METTL8: variants seen among roughly 807,000 people sequenced by gnomAD.
METTL8 encodes the protein methyltransferase 8, tRNA N3-cytidine.
A neutral mutation model predicts 48.7 loss-of-function variants in METTL8; 32 were observed. The ratio of observed to expected loss-of-function variants is 0.66; its 90% CI spans 0.50 to 0.88. The LOEUF is 0.88. Ranked by LOEUF, METTL8 falls within the 40% of genes least tolerant of loss-of-function variation. The pLI, the probability that METTL8 is intolerant of heterozygous loss-of-function variation, is 0.00. For missense variants in METTL8, 464 were observed against 474.4 expected (o/e 0.98, Z 0.20); for synonymous variants, 136 against 157.1 (o/e 0.87, Z 1.01).
chr2:171,415,349 CTTTTTTTTTT>C (rs762739077), intron 1 of METTL8, among the ~76,000 whole-genome samples: 2 of 112,394 alleles, frequency 1.8e-5, no homozygotes, highest in Admixed American at 9.3e-5. Context: ...ATCTCGAAAT[CTTTTTTTTTT>C]TTTTTTTTTT....
intron 3 of METTL8, among the ~76,000 whole-genome samples, chr2:171,353,839 G>T (rs1193592799): frequency 6.6e-6 from 1 of 151,090 alleles, no homozygotes; most frequent in African/African-American, 2.4e-5. Flanking sequence ...CCTTTATTTT[G>T]AGCCTATGTG....
At chr2:171,421,218 A>G (rs895550379) in intron 1 of METTL8, among the ~76,000 whole-genome samples, 1 of 152,232 alleles carries the variant, frequency 6.6e-6, no homozygotes, top group Non-Finnish European at 1.5e-5. Flanking sequence ...AAAGATCAAT[A>G]TACAAACAGA....
At chr2:171,384,025 G>T (rs1377781144) in intron 2 of METTL8, among the ~76,000 whole-genome samples, 1 of 152,104 alleles carries the variant, frequency 6.6e-6, no homozygotes, top group Non-Finnish European at 1.5e-5. Context: ...GCAAAACAGG[G>T]GAACAGCCCA....
intron 1 of METTL8, among the ~76,000 whole-genome samples, chr2:171,431,298 A>G (rs1031837027): frequency 1.3e-5 from 2 of 152,204 alleles, no homozygotes; most frequent in Non-Finnish European, 2.9e-5. Context: ...AGGGCCCACG[A>G]GCACACTGGA....
intron 2 of METTL8, among the ~76,000 whole-genome samples, chr2:171,381,171 T>C (rs1334079750): frequency 2.6e-5 from 4 of 152,118 alleles, no homozygotes; most frequent in Non-Finnish European, 2.9e-5. Flanking sequence ...GGATTCCCTA[T>C]ATAAATGGTG....
At chr2:171,351,826 T>G (rs1683963387) in intron 3 of METTL8, among the ~76,000 whole-genome samples, 1 of 152,238 alleles carries the variant, frequency 6.6e-6, no homozygotes, top group South Asian at 2.1e-4. Context: ...ATCCTGAGAC[T>G]TTGCTGATGT....
Position 171,316,025 on chromosome 2 carries a change from A to C in METTL8, c.*8147T>G, listed in dbSNP as rs577334157. Among the ~76,000 whole-genome samples the C allele has an allele frequency of 2.6e-5, 4 of 152,376 alleles. No homozygotes were observed. The highest frequency in any genetic ancestry group is 4.1e-4 in the South Asian group (2 of 4,830). ...GTGTGTGACGTAGTAGGTGAAAAAC[A>C]GCAAAGAGGTAATTCTTTATTCTCG... is the stretch of plus-strand genomic sequence containing the variant. On this transcript the variant is annotated 3_prime_UTR_variant, in exon 10 of 10. Coordinates refer to ENST00000375258, the MANE Select transcript of METTL8 (RefSeq NM_001321154.2).
chr2:171,332,002 C>A, intron 5 of METTL8, 135 bp from the exon 6 acceptor site: 1 of 609,366 alleles, frequency 1.6e-6, no homozygotes, highest in South Asian at 1.9e-5. Flanking sequence ...CTTGCTTCCT[C>A]AGCCTTCTGA....
chr2:171,426,292 C>T (rs903485724), intron 1 of METTL8, among the ~76,000 whole-genome samples: 6 of 152,038 alleles, frequency 3.9e-5, no homozygotes, highest in East Asian at 1.9e-4. Flanking sequence ...ACAGGTATGT[C>T]GTAAAATGTA....
chr2:171,364,689 C>T (rs1685537897), intron 2 of METTL8, among the ~76,000 whole-genome samples: 1 of 152,148 alleles, frequency 6.6e-6, no homozygotes, highest in Non-Finnish European at 1.5e-5. Flanking sequence ...CACACACACA[C>T]ACACCCCAAT....
chr2:171,326,775 C>T (rs185010189), intron 7 of METTL8, among the ~76,000 whole-genome samples: 1 of 151,984 alleles, frequency 6.6e-6, no homozygotes, highest in East Asian at 1.9e-4. Context: ...CCCTTAGTAC[C>T]AACCCCTATC....
intron 8 of METTL8, 21 bp downstream of exon 8, chr2:171,326,021 T>C (rs1236381030): frequency 7.1e-7 from 1 of 1,410,892 alleles, no homozygotes; most frequent in Admixed American, 2.1e-5. Flanking sequence ...AAAAATAACC[T>C]CAAACTGAAT....
At chr2:171,416,809 C>A (rs970496586) in intron 1 of METTL8, among the ~76,000 whole-genome samples, 1 of 152,204 alleles carries the variant, frequency 6.6e-6, no homozygotes, top group Admixed American at 6.5e-5. Flanking sequence ...AGCCCACTCT[C>A]CAAGCAGGCT....
chr2:171,335,274 T>C (rs1685966312), intron 5 of METTL8, among the ~76,000 whole-genome samples: 1 of 152,162 alleles, frequency 6.6e-6, no homozygotes, highest in African/African-American at 2.4e-5. Context: ...TTTATAATAA[T>C]ATTAGAGAGT....
At chr2:171,329,026 C>T (rs1685249570) in intron 7 of METTL8, among the ~76,000 whole-genome samples, 1 of 151,346 alleles carries the variant, frequency 6.6e-6, no homozygotes, top group South Asian at 2.1e-4. Context: ...TGCTTTGTCG[C>T]CCAGGCTGGA....
intron 2 of METTL8, among the ~76,000 whole-genome samples, chr2:171,378,163 C>A (rs955901288): frequency 1.3e-5 from 2 of 152,172 alleles, no homozygotes; most frequent in African/African-American, 4.8e-5. Flanking sequence ...AGAGTCAAGA[C>A]CCATTGGTGT....
chr2:171,336,468 C>T (rs1383414236), intron 5 of METTL8, among the ~76,000 whole-genome samples: 3 of 144,368 alleles, frequency 2.1e-5, no homozygotes, highest in Non-Finnish European at 4.5e-5. Context: ...GTAGCGAGAT[C>T]TCGGCTCACT....
intron 1 of METTL8, among the ~76,000 whole-genome samples, chr2:171,411,824 C>T (rs1690784737): frequency 6.6e-6 from 1 of 152,110 alleles, no homozygotes; most frequent in African/African-American, 2.4e-5. Flanking sequence ...AAATAGATTG[C>T]TTACATTTAA....
At chr2:171,360,580 G>C (rs1003461620) in intron 2 of METTL8, 67 bp from the exon 3 acceptor site, 6 of 1,332,010 alleles carry the variant, frequency 4.5e-6, no homozygotes, top group Non-Finnish European at 5.3e-6. Flanking sequence ...AGGTGACAAG[G>C]AACCACATCT....
Sources: gnomAD v4.1 joint callset for allele counts (sites outside exome capture counted in the v4.1 genomes callset) on GRCh38, gnomAD v4.1.1 for gene constraint, MANE v1.5 for transcripts, NCBI Gene and HGNC (gene_info 2026-07-23, HGNC 2026-07-21) for gene names.